EHMT1: variants seen among roughly 807,000 people sequenced by gnomAD.
The protein encoded by EHMT1 is histone-lysine N-methyltransferase EHMT1.
EHMT1 carries 15 observed loss-of-function variants against 147.2 expected under a neutral mutation model. The observed-to-expected ratio is 0.10, with a 90% CI of 0.07 to 0.16. The LOEUF is 0.16. EHMT1 is among the 10% of genes least tolerant of loss of function. The pLI is 1.00. For synonymous variants in EHMT1, 795 were observed against 709.6 expected, an observed-to-expected ratio of 1.12 and a Z score of -1.91; for missense variants, 1,587 against 1,772.4, an observed-to-expected ratio of 0.90 and a Z score of 1.88.
At chr9:137,749,479 C>G (rs575668174) in intron 6 of EHMT1, among the ~76,000 whole-genome samples, 1 of 152,100 alleles carries the variant, frequency 6.6e-6, no homozygotes, top group African/African-American at 2.4e-5. Context: ...ATGAGGTTCT[C>G]TCAGTCGACA....
chr9:137,674,227 G>T (rs1021146518), intron 1 of EHMT1, among the ~76,000 whole-genome samples: 8 of 152,152 alleles, frequency 5.3e-5, no homozygotes, highest in Non-Finnish European at 1.0e-4. Context: ...GGGGCTGCAC[G>T]TGTGACCCGC....
Position 137,813,359 on chromosome 9 carries a change from A to G in EHMT1, c.3036-27A>G, listed in dbSNP as rs1222229926. The G allele has an allele frequency of 1.2e-6, 2 of 1,603,484 alleles. No individual in the cohort carries two copies. Among genetic ancestry groups the G allele is most frequent in the Admixed American group, 1.7e-5 (1 of 59,106 alleles). Reference sequence around the variant, plus strand: ...CCCTGGGCAGAGCACGTCAGCCACCAGGTGACACCTGTCCTTTCCATGGCA... The same window carrying G: ...CCCTGGGCAGAGCACGTCAGCCACCGGGTGACACCTGTCCTTTCCATGGCA... On this transcript the variant is annotated intron_variant, in intron 20 of 26. Coordinates refer to ENST00000460843, the MANE Select transcript of EHMT1 (RefSeq NM_024757.5). The surrounding 1 kb of genome is among the most constrained non-coding windows in gnomAD (Gnocchi z 4.9).
At chr9:137,635,988 C>T (rs1388025729) in intron 1 of EHMT1, among the ~76,000 whole-genome samples, 2 of 150,974 alleles carry the variant, frequency 1.3e-5, no homozygotes, top group Non-Finnish European at 2.9e-5. Flanking sequence ...GTGGTACGAT[C>T]TCGGTTCACT....
intron 9 of EHMT1, 112 bp from the exon 10 acceptor site, chr9:137,762,563 T>G: frequency 6.4e-7 from 1 of 1,561,986 alleles, no homozygotes; most frequent in Non-Finnish European, 8.7e-7. Flanking sequence ...TCAACCGCAT[T>G]GCTTTCATTT....
chr9:137,817,170 C>A, intron 23 of EHMT1: 1 of 540,888 alleles, frequency 1.8e-6, no homozygotes, highest in South Asian at 1.9e-5. Flanking sequence ...GCTCTGTCCC[C>A]ATGTTACAGA....
intron 2 of EHMT1, chr9:137,715,919 TTA>T: frequency 5.7e-6 from 5 of 873,608 alleles, no homozygotes; most frequent in South Asian, 1.0e-4. Flanking sequence ...TAAGAAATGT[TTA>T]TGTTTAATAT....
chr9:137,794,380 G>C (rs1351653958), intron 16 of EHMT1, among the ~76,000 whole-genome samples: 1 of 152,148 alleles, frequency 6.6e-6, no homozygotes, highest in Non-Finnish European at 1.5e-5. Context: ...AGGTTCAGTG[G>C]CTTGCTTCTG....
intron 18 of EHMT1, among the ~76,000 whole-genome samples, chr9:137,804,560 TAA>T (rs1953766573): frequency 6.6e-6 from 1 of 152,198 alleles, no homozygotes; most frequent in Non-Finnish European, 1.5e-5. Context: ...TGCAGAATTT[TAA>T]AAGTTTTTAT....
intron 1 of EHMT1, among the ~76,000 whole-genome samples, chr9:137,707,928 G>A (rs1042960777): frequency 2.6e-5 from 4 of 152,164 alleles, no homozygotes; most frequent in African/African-American, 9.7e-5. Flanking sequence ...TGGCAGGCAG[G>A]GTGTCTTTGG....
At position 137,731,357 on chromosome 9, in the gene EHMT1, G is replaced by T. The variant is rs1947095601; in HGVS notation, c.823+2828G>T. 1.3e-5 allele frequency among the ~76,000 whole-genome samples: 2 copies of T among 152,232 alleles called. No individual in the cohort carries two copies. Among genetic ancestry groups the T allele is most frequent in the South Asian group, 4.1e-4 (2 of 4,832 alleles). On this transcript the variant is annotated intron_variant, in intron 4 of 26. Transcript: ENST00000460843. This position sits in a 1 kb window ranked among gnomAD's most constrained non-coding sequence, Gnocchi z 4.3. ...CAGGGCTTCCGGAGTGGGCACAGAA[G>T]TTACAGTTTCTGTGCTAGAACGTGT...
At chr9:137,741,368 G>A (rs1326439019) in intron 4 of EHMT1, among the ~76,000 whole-genome samples, 1 of 149,766 alleles carries the variant, frequency 6.7e-6, no homozygotes, top group Admixed American at 6.6e-5. Flanking sequence ...TGTTTCCAGG[G>A]GACAGGTAGC....
intron 25 of EHMT1, among the ~76,000 whole-genome samples, chr9:137,822,312 C>T (rs894802237): frequency 3.9e-5 from 6 of 152,202 alleles, no homozygotes; most frequent in African/African-American, 7.2e-5. Context: ...TCCAGTTCTG[C>T]CATCACGAGG....
chr9:137,629,606 G>C (rs1379139965), intron 1 of EHMT1, among the ~76,000 whole-genome samples: 1 of 151,796 alleles, frequency 6.6e-6, no homozygotes, highest in East Asian at 1.9e-4. Context: ...TGTTAGCCAG[G>C]ATGGTCTCGC....
chr9:137,635,702 T>C (rs113976008), intron 1 of EHMT1, among the ~76,000 whole-genome samples: 6,502 of 150,608 alleles, frequency 0.043, 212 homozygotes, highest in Admixed American at 0.089. Flanking sequence ...CGCCTGTAGT[T>C]CCAGCTACTC....
At chr9:137,674,612 G>T (rs1941050417) in intron 1 of EHMT1, among the ~76,000 whole-genome samples, 1 of 152,202 alleles carries the variant, frequency 6.6e-6, no homozygotes, top group South Asian at 2.1e-4. Context: ...TGATGTGTGA[G>T]ACCCGCATTT....
chr9:137,660,072 C>T (rs1313490269), intron 1 of EHMT1, among the ~76,000 whole-genome samples: 2 of 151,834 alleles, frequency 1.3e-5, no homozygotes, highest in African/African-American at 2.4e-5. Flanking sequence ...TGTGGTGGCT[C>T]ACACCTGTAG....
rs752443684 is a variant in EHMT1, at chr9:137,757,883, C to G, written c.1373C>G (p.Ser458Cys). The G allele has an allele frequency of 1.9e-6, 3 of 1,613,728 alleles. No homozygotes were observed. The highest frequency in any genetic ancestry group is 3.3e-5 in the Admixed American group (2 of 59,972). Residue 458 changes from serine (S) to cysteine (C), a missense_variant, in exon 9 of 27, where the codon TCT becomes TGT. Physicochemically the swap from Ser to Cys is moderately radical, Grantham distance 112 (BLOSUM62 -1). Coordinates refer to ENST00000460843, the MANE Select transcript of EHMT1 (RefSeq NM_024757.5). ...SRKKPSGALG[S>C]ESYKSSAGSA... is the part of the protein sequence containing the mutation. ...TGTGTGTGCCTTTCATACCTAGGTTCTGAGTCGTATAAGTCATCTGCAGGA... is the reference window on the plus strand; with the variant it reads ...TGTGTGTGCCTTTCATACCTAGGTTGTGAGTCGTATAAGTCATCTGCAGGA...
chr9:137,813,582 G>A lies in EHMT1; in HGVS notation c.3180+52G>A. On this transcript the variant is annotated intron_variant, in intron 21 of 26. Transcript: ENST00000460843. This position sits in a 1 kb window ranked among gnomAD's most constrained non-coding sequence, Gnocchi z 4.9. Reference sequence around the variant, plus strand: ...CTCAGGCCAGGACATGGGACAGGCAGAAGCTTCTTGAGCCTGGGGTCCTGG... The same window carrying A: ...CTCAGGCCAGGACATGGGACAGGCAAAAGCTTCTTGAGCCTGGGGTCCTGG... The A allele has an allele frequency of 6.2e-7, 1 of 1,609,154 alleles. No homozygotes were observed. Among genetic ancestry groups the A allele is most frequent in the Non-Finnish European group, 8.5e-7 (1 of 1,178,908 alleles).
chr9:137,716,593 T>C (rs1482790885), intron 2 of EHMT1, 33 bp from the exon 3 acceptor site: 2 of 1,532,496 alleles, frequency 1.3e-6, no homozygotes, highest in African/African-American at 1.4e-5. Flanking sequence ...GAGCGTGGCC[T>C]GCAGTCAGTG....
Sources: gnomAD v4.1 joint callset for allele counts (sites outside exome capture counted in the v4.1 genomes callset) on GRCh38, gnomAD v4.1.1 for gene constraint, Gnocchi (gnomAD v3.1) non-coding constraint, MANE v1.5 for transcripts, NCBI Gene and HGNC (gene_info 2026-07-23, HGNC 2026-07-21) for gene names.